Variants in QTMAN observed in about 807,000 individuals in gnomAD.
QTMAN encodes the protein tRNA-queuosine alpha-mannosyltransferase.
the QTMAN span, among the ~76,000 whole-genome samples, chr2:144,272,663 C>A: frequency 6.6e-6 from 1 of 152,084 alleles, no homozygotes; most frequent in Non-Finnish European, 1.5e-5. Context: ...ACTACCAGAA[C>A]TGTTACAAAT....
chr2:143,956,171 T>C, the QTMAN span, among the ~76,000 whole-genome samples: 16 of 152,232 alleles, frequency 1.1e-4, no homozygotes, highest in Non-Finnish European at 2.1e-4. Flanking sequence ...TCATCTCTTT[T>C]TGAAAGTTCT....
At chr2:143,993,490 C>T in the QTMAN span, among the ~76,000 whole-genome samples, 5 of 151,958 alleles carry the variant, frequency 3.3e-5, no homozygotes, top group East Asian at 9.7e-4. Context: ...GGTGGGCCCT[C>T]AATCCAATTG....
chr2:143,953,443 G>C, the QTMAN span, among the ~76,000 whole-genome samples: 1 of 151,704 alleles, frequency 6.6e-6, no homozygotes, highest in Non-Finnish European at 1.5e-5. Flanking sequence ...TGAACATTTT[G>C]CTTTCTTGAC....
At chr2:143,939,743 A>G in the QTMAN span, 1 of 152,168 alleles carries the variant, frequency 6.6e-6, no homozygotes, top group Non-Finnish European at 1.5e-5. Context: ...ACATTAATCC[A>G]CTTAGTAAAA....
chr2:144,256,874 TAAAA>T, the QTMAN span, among the ~76,000 whole-genome samples: 1 of 146,926 alleles, frequency 6.8e-6, no homozygotes, highest in East Asian at 2.0e-4. Flanking sequence ...AACTTAAAGT[TAAAA>T]AAAAAAATCT....
chr2:144,012,627 T>G, the QTMAN span, among the ~76,000 whole-genome samples: 1 of 152,148 alleles, frequency 6.6e-6, no homozygotes, highest in African/African-American at 2.4e-5. Flanking sequence ...TCCTCACAAC[T>G]GTCTTTTTGA....
the QTMAN span, among the ~76,000 whole-genome samples, chr2:144,292,553 G>A: frequency 1.6e-4 from 24 of 151,570 alleles, no homozygotes; most frequent in Admixed American, 1.4e-3. Flanking sequence ...TATATTACTC[G>A]GTACCCTGTA....
At chr2:144,319,106 T>C in the QTMAN span, among the ~76,000 whole-genome samples, 1 of 152,206 alleles carries the variant, frequency 6.6e-6, no homozygotes, top group African/African-American at 2.4e-5. Context: ...TTTAATTTAG[T>C]TGATAGGTCT....
chr2:144,033,030 T>A, the QTMAN span, among the ~76,000 whole-genome samples: 4 of 152,162 alleles, frequency 2.6e-5, no homozygotes, highest in African/African-American at 7.2e-5. Flanking sequence ...GTGAAAAGTA[T>A]AAAAAATATT....
chr2:144,315,631 G>A, the QTMAN span, among the ~76,000 whole-genome samples: 9 of 152,046 alleles, frequency 5.9e-5, no homozygotes, highest in Non-Finnish European at 7.4e-5. Context: ...TTTCCAAGTC[G>A]TCTCCCTCTT....
chr2:144,213,708 A>G, the QTMAN span, among the ~76,000 whole-genome samples: 1 of 152,220 alleles, frequency 6.6e-6, no homozygotes, highest in Admixed American at 6.6e-5. Flanking sequence ...ACTTCAATCA[A>G]TTGTTGAAAA....
the QTMAN span, among the ~76,000 whole-genome samples, chr2:144,326,387 A>AC: frequency 6.6e-6 from 1 of 152,048 alleles, no homozygotes; most frequent in Admixed American, 6.6e-5. Flanking sequence ...GTAGATTGAG[A>AC]CCATCCTGGC....
the QTMAN span, chr2:144,005,874 T>C: frequency 6.6e-6 from 1 of 152,096 alleles, no homozygotes; most frequent in Non-Finnish European, 1.5e-5. Flanking sequence ...CTAGAAATTA[T>C]TTAATTTAAC....
the QTMAN span, among the ~76,000 whole-genome samples, chr2:144,061,679 C>G: frequency 0.014 from 2,123 of 152,188 alleles, 48 homozygotes; most frequent in African/African-American, 0.049. Context: ...CCTGGCTAAA[C>G]CCCACCCTCA....
the QTMAN span, among the ~76,000 whole-genome samples, chr2:144,217,909 G>T: frequency 6.6e-6 from 1 of 152,176 alleles, no homozygotes. Context: ...TAGTATTTCT[G>T]TGTACTTATC....
chr2:144,294,825 T>C, the QTMAN span, among the ~76,000 whole-genome samples: 1 of 152,064 alleles, frequency 6.6e-6, no homozygotes, highest in Non-Finnish European at 1.5e-5. Flanking sequence ...TGCTTAAAAG[T>C]GTCTGGAAAT....
chr2:144,175,624 TAG>T, the QTMAN span, among the ~76,000 whole-genome samples: 240 of 152,078 alleles, frequency 1.6e-3, no homozygotes, highest in African/African-American at 5.6e-3. Context: ...AAGATATATA[TAG>T]AGAGATATTT....
At chr2:144,303,063 T>C in the QTMAN span, among the ~76,000 whole-genome samples, 10 of 152,032 alleles carry the variant, frequency 6.6e-5, no homozygotes, top group South Asian at 1.9e-3. Context: ...GATCGCACCA[T>C]TGCATTCCAG....
the QTMAN span, among the ~76,000 whole-genome samples, chr2:144,142,695 C>T: frequency 6.6e-6 from 1 of 151,840 alleles, no homozygotes; most frequent in African/African-American, 2.4e-5. Context: ...TTATATTGGG[C>T]TAGCCAGAGA....
Sources: allele counts gnomAD v4.1 joint callset (sites outside exome capture counted in the v4.1 genomes callset), GRCh38; gene constraint gnomAD v4.1.1; transcripts MANE v1.5; gene names NCBI Gene and HGNC (gene_info 2026-07-23, HGNC 2026-07-21).